Variants in AASDH observed in about 807,000 individuals in gnomAD.
AASDH encodes aminoadipate-semialdehyde dehydrogenase.
A neutral mutation model predicts 102.3 loss-of-function variants in AASDH; 81 were observed. The ratio of observed to expected loss-of-function variants is 0.79; its 90% CI spans 0.66 to 0.95. The LOEUF (loss-of-function observed/expected upper bound fraction) is 0.95, where lower values mean the gene tolerates loss of function less well. Among genes scored for constraint, AASDH ranks in the 40% least tolerant of loss-of-function variants. AASDH has a pLI of 0.00. For synonymous variants in AASDH, 398 were observed against 454.0 expected (o/e 0.88, Z 1.57); for missense variants, 1,203 against 1,266.2 (o/e 0.95, Z 0.76).
At chr4:56,385,942 T>A (rs949580840) in intron 1 of AASDH, among the ~76,000 whole-genome samples, 6 of 151,638 alleles carry the variant, frequency 4.0e-5, no homozygotes, top group African/African-American at 7.3e-5. Flanking sequence ...TTTTTTTTTT[T>A]AATTTATTCA....
chr4:56,343,492 A>G, intron 13 of AASDH, 70 bp downstream of exon 13: 2 of 1,355,164 alleles, frequency 1.5e-6, no homozygotes, highest in Non-Finnish European at 2.0e-6. Context: ...CAAACTTTCA[A>G]AGCTCAAAGC....
At chr4:56,370,523 A>G (rs1027288398) in intron 5 of AASDH, among the ~76,000 whole-genome samples, 1 of 152,224 alleles carries the variant, frequency 6.6e-6, no homozygotes, top group African/African-American at 2.4e-5. Flanking sequence ...CTCATGAATG[A>G]GATTAGTGCC....
chr4:56,362,771 C>A (rs1040543298), intron 5 of AASDH, among the ~76,000 whole-genome samples: 2 of 152,090 alleles, frequency 1.3e-5, no homozygotes, highest in African/African-American at 4.8e-5. Context: ...CCAAGATGGC[C>A]GAATAGGAGC....
At chr4:56,342,613 C>T (rs1421298848) in intron 14 of AASDH, among the ~76,000 whole-genome samples, 3 of 151,860 alleles carry the variant, frequency 2.0e-5, no homozygotes, top group Admixed American at 2.0e-4. Context: ...TTAAGAAATC[C>T]ATGGCTTCAC....
intron 5 of AASDH, 21 bp downstream of exon 5, chr4:56,371,430 T>C (rs374746770): frequency 8.9e-6 from 14 of 1,574,692 alleles, no homozygotes; most frequent in Non-Finnish European, 1.2e-5. Flanking sequence ...AAACAAAACG[T>C]TCATTGCTAC....
chr4:56,363,410 C>T (rs879662851), intron 5 of AASDH, among the ~76,000 whole-genome samples: 5 of 152,212 alleles, frequency 3.3e-5, no homozygotes, highest in East Asian at 1.9e-4. Context: ...GATATGAGAA[C>T]GGGCAGACTG....
chr4:56,357,765 C>T (rs1322010373), intron 5 of AASDH, among the ~76,000 whole-genome samples: 1 of 151,766 alleles, frequency 6.6e-6, no homozygotes, highest in Non-Finnish European at 1.5e-5. Flanking sequence ...ATCTATGCTG[C>T]TAAGTGTATC....
At chr4:56,365,288 C>A (rs1360107606) in intron 5 of AASDH, among the ~76,000 whole-genome samples, 1 of 152,086 alleles carries the variant, frequency 6.6e-6, no homozygotes, top group Non-Finnish European at 1.5e-5. Context: ...TCACACCCCA[C>A]TGCCAACATT....
chr4:56,346,047 G>A lies in AASDH; in HGVS notation c.2489-757C>T, dbSNP rs1194475257. The stretch of plus-strand genomic sequence containing the variant: ...CTTTTCCCAAATTGCTGCTATGGAT[G>A]AGAAGACAGGGCAGGAGTCCTTGAC... On this transcript the variant is annotated intron_variant, in intron 11 of 14. Transcript: ENST00000205214. Among the ~76,000 whole-genome samples the A allele has an allele frequency of 2.6e-5, 4 of 152,234 alleles. No individual in the cohort carries two copies. In the South Asian group the frequency reaches 8.3e-4, roughly 32 times the overall value.
chr4:56,351,381 C>T lies in AASDH; in HGVS notation c.1653G>A (p.Gly551=). ...GTAATTTTTCCCAAAGGTCCTCTTT[C>T]CCACTGAGCTTATTCTCAGACTTCA... The part of the protein sequence containing the change: ...INLKSENKLS[G]KEDLWEKLQY... The change falls in exon 10 of 15, where the codon GGG becomes GGA. Residue 551 remains glycine (G), a synonymous_variant. Coordinates refer to ENST00000205214, the MANE Select transcript of AASDH (RefSeq NM_181806.4). 1.2e-6 allele frequency: 2 copies of T among 1,602,050 alleles called. No homozygotes were observed. The highest frequency in any genetic ancestry group is 1.7e-6 in the Non-Finnish European group (2 of 1,171,524).
In AASDH at chr4:56,342,284, A is replaced by G. The variant is rs563011415; in HGVS notation, c.2907+551T>C. Reference sequence around the variant, plus strand: ...TATGTTGTATATTTCAGAACAGCTAAAAGAGAAGACATGAAATGATCCCAA... The same window carrying G: ...TATGTTGTATATTTCAGAACAGCTAGAAGAGAAGACATGAAATGATCCCAA... On this transcript the variant is annotated intron_variant, in intron 14 of 14. Transcript: ENST00000205214. Among the ~76,000 whole-genome samples, 31 of 152,274 alleles carry G rather than the reference A, an allele frequency of 2.0e-4. No individual in the cohort carries two copies. In the South Asian group the frequency reaches 3.3e-3, roughly 16 times the overall value.
intron 1 of AASDH, among the ~76,000 whole-genome samples, chr4:56,386,083 CTG>C (rs2110021138): frequency 6.6e-6 from 1 of 152,178 alleles, no homozygotes; most frequent in East Asian, 1.9e-4. Context: ...TTTGAAAATG[CTG>C]TGATTTCTAA....
chr4:56,370,697 C>T (rs1751586556), intron 5 of AASDH, among the ~76,000 whole-genome samples: 1 of 152,162 alleles, frequency 6.6e-6, no homozygotes, highest in East Asian at 1.9e-4. Flanking sequence ...ATAAGCTACC[C>T]AGTTTATGGT....
intron 12 of AASDH, among the ~76,000 whole-genome samples, chr4:56,344,659 G>A (rs1050637152): frequency 3.3e-5 from 5 of 151,264 alleles, no homozygotes; most frequent in Admixed American, 6.6e-5. Flanking sequence ...TGATATCTTC[G>A]TCATTTTTTT....
At chr4:56,360,913 A>T (rs188521420) in intron 5 of AASDH, among the ~76,000 whole-genome samples, 13 of 152,304 alleles carry the variant, frequency 8.5e-5, no homozygotes, top group African/African-American at 3.1e-4. Flanking sequence ...GCAACACTAT[A>T]AGGCATCCTA....
chr4:56,359,734 T>C (rs1750079232), intron 5 of AASDH, among the ~76,000 whole-genome samples: 1 of 151,964 alleles, frequency 6.6e-6, no homozygotes, highest in Admixed American at 6.6e-5. Context: ...AATTTTTGTA[T>C]TTTTAGTAGA....
chr4:56,343,963 G>A (rs913118619), intron 12 of AASDH, among the ~76,000 whole-genome samples: 4 of 152,026 alleles, frequency 2.6e-5, no homozygotes, highest in African/African-American at 7.2e-5. Flanking sequence ...ACACACACAC[G>A]ATCTAATATA....
intron 3 of AASDH, chr4:56,381,662 C>CACACACACACACACACAT (rs1752975447): frequency 6.6e-6 from 1 of 151,858 alleles, no homozygotes; most frequent in Non-Finnish European, 1.5e-5. Flanking sequence ...CACACACACA[C>CACACACACACACACACAT]ACACACACAC....
chr4:56,342,257 AAT>A (rs1245757405), intron 14 of AASDH, among the ~76,000 whole-genome samples: 1 of 152,292 alleles, frequency 6.6e-6, no homozygotes, highest in East Asian at 1.9e-4. Context: ...AGCCAACAAC[AAT>A]ATGTTGTATA....
Sources: gnomAD v4.1 joint callset for allele counts (sites outside exome capture counted in the v4.1 genomes callset) on GRCh38, gnomAD v4.1.1 for gene constraint, MANE v1.5 for transcripts, NCBI Gene and HGNC (gene_info 2026-07-23, HGNC 2026-07-21) for gene names.